Variants in FAM117B observed in about 807,000 individuals in gnomAD.
FAM117B encodes family with sequence similarity 117 member B, also known as protein FAM117B.
FAM117B carries 22 observed loss-of-function variants against 52.8 expected under a neutral mutation model. The ratio of observed to expected loss-of-function variants is 0.42; its 90% CI spans 0.30 to 0.59. The LOEUF is 0.59. Among genes scored for constraint, FAM117B ranks in the 20% least tolerant of loss-of-function variants. The pLI, the probability that FAM117B is intolerant of heterozygous loss-of-function variation, is 0.22. For missense variants in FAM117B, 678 were observed against 802.6 expected, an observed-to-expected ratio of 0.84 and a Z score of 1.88; for synonymous variants, 309 against 324.1, an observed-to-expected ratio of 0.95 and a Z score of 0.50.
chr2:202,696,988 G>C (rs1186044847), intron 2 of FAM117B, among the ~76,000 whole-genome samples: 3 of 152,148 alleles, frequency 2.0e-5, no homozygotes, highest in African/African-American at 7.2e-5. Context: ...AGAATCACTT[G>C]AACCTGGGAG....
At chr2:202,727,239 A>G (rs990277845) in intron 4 of FAM117B, among the ~76,000 whole-genome samples, 5 of 152,184 alleles carry the variant, frequency 3.3e-5, no homozygotes, top group East Asian at 1.9e-4. Context: ...GAGGGAAACT[A>G]GAAGACTTAG....
chr2:202,702,057 C>A (rs1690802590), intron 2 of FAM117B, among the ~76,000 whole-genome samples: 1 of 152,104 alleles, frequency 6.6e-6, no homozygotes, highest in Middle Eastern at 3.2e-3. Flanking sequence ...TGTGAAAGGA[C>A]CTGAGTCCGT....
intron 4 of FAM117B, among the ~76,000 whole-genome samples, chr2:202,731,492 G>A (rs183385085): frequency 3.3e-5 from 5 of 151,112 alleles, no homozygotes; most frequent in East Asian, 1.9e-4. Flanking sequence ...GTGCAGTGGC[G>A]CGACCTTGGA....
chr2:202,702,002 G>A (rs939795724), intron 2 of FAM117B, among the ~76,000 whole-genome samples: 2 of 152,176 alleles, frequency 1.3e-5, no homozygotes, highest in Non-Finnish European at 2.9e-5. Flanking sequence ...TGTACTATGG[G>A]CAATATGCTA....
At chr2:202,718,184 GT>G (rs1691087582) in intron 2 of FAM117B, among the ~76,000 whole-genome samples, 1 of 151,484 alleles carries the variant, frequency 6.6e-6, no homozygotes, top group Non-Finnish European at 1.5e-5. Flanking sequence ...CAGGGCAGTG[GT>G]TTCCCCTCTG....
At chr2:202,646,102 C>T (rs1190737478) in intron 1 of FAM117B, among the ~76,000 whole-genome samples, 1 of 151,590 alleles carries the variant, frequency 6.6e-6, no homozygotes, top group East Asian at 1.9e-4. Flanking sequence ...TCTTGGCTCA[C>T]TTCAGCCTTC....
intron 1 of FAM117B, among the ~76,000 whole-genome samples, chr2:202,688,502 A>G (rs1023016374): frequency 6.6e-6 from 1 of 152,146 alleles, no homozygotes; most frequent in African/African-American, 2.4e-5. Context: ...CATAAAAGAA[A>G]AGGAAACTAT....
intron 1 of FAM117B, among the ~76,000 whole-genome samples, chr2:202,644,488 G>T (rs1176419885): frequency 6.6e-6 from 1 of 152,056 alleles, no homozygotes; most frequent in African/African-American, 2.4e-5. Flanking sequence ...TTAGCTCATT[G>T]ATCTCTACAT....
At chr2:202,637,192 C>T (rs553511105) in intron 1 of FAM117B, among the ~76,000 whole-genome samples, 8 of 151,560 alleles carry the variant, frequency 5.3e-5, no homozygotes, top group East Asian at 2.0e-4. Flanking sequence ...CCACTGCGCC[C>T]GGCCCGAATA....
Position 202,766,099 on chromosome 2 carries a change from CACA to C in FAM117B, c.*336_*338del, listed in dbSNP as rs1691976039. On this transcript the variant is annotated 3_prime_UTR_variant, in exon 8 of 8. Transcript: ENST00000392238. ...ACACACACACACACACACACACACA[CACA>C]CACACCCCTGATCCTTGCCAACATG... 3.2e-4 allele frequency: 75 copies of C among 232,848 alleles called. No homozygotes were observed. The highest frequency in any genetic ancestry group is 4.1e-4 in the Non-Finnish European group (48 of 118,204). 14.4% of individuals were successfully genotyped at this position (232,848 alleles called of 1,614,324 possible).
intron 1 of FAM117B, among the ~76,000 whole-genome samples, chr2:202,640,932 G>A (rs892622059): frequency 2.6e-5 from 4 of 152,128 alleles, no homozygotes; most frequent in Non-Finnish European, 4.4e-5. Context: ...CTTTTGGTTT[G>A]TGATGTCTAT....
At chr2:202,684,437 T>C (rs13407832) in intron 1 of FAM117B, among the ~76,000 whole-genome samples, 13,691 of 152,234 alleles carry the variant, frequency 0.09, 2,074 homozygotes, top group African/African-American at 0.31. Flanking sequence ...AATTGTCCAA[T>C]ATATACATTC....
At chr2:202,694,391 A>G (rs1426813906) in intron 1 of FAM117B, among the ~76,000 whole-genome samples, 2 of 151,576 alleles carry the variant, frequency 1.3e-5, no homozygotes, top group African/African-American at 2.4e-5. Context: ...GGGTTTCGCC[A>G]TGTTGGCCAG....
chr2:202,757,192 G>A (rs763595930), intron 5 of FAM117B, 21 bp from the exon 6 acceptor site: 1 of 1,609,510 alleles, frequency 6.2e-7, no homozygotes, highest in South Asian at 1.1e-5. Context: ...ATATACCTAT[G>A]TTTTTACAAT....
At chr2:202,684,678 G>A (rs1048794428) in intron 1 of FAM117B, among the ~76,000 whole-genome samples, 8 of 148,382 alleles carry the variant, frequency 5.4e-5, no homozygotes, top group Non-Finnish European at 1.2e-4. Context: ...CTTCATTTAG[G>A]CATGAATTAT....
intron 2 of FAM117B, among the ~76,000 whole-genome samples, chr2:202,697,888 A>G (rs975722436): frequency 1.3e-5 from 2 of 151,076 alleles, no homozygotes; most frequent in East Asian, 2.0e-4. Flanking sequence ...ATTTTTTGAG[A>G]TAAGTTTCTC....
chr2:202,761,692 A>G (rs929291618), intron 7 of FAM117B, among the ~76,000 whole-genome samples: 8 of 151,896 alleles, frequency 5.3e-5, no homozygotes, highest in African/African-American at 1.9e-4. Context: ...ATGCCTGGCT[A>G]AGTTTTGTAT....
At chr2:202,718,753 G>A (rs1159058021) in intron 2 of FAM117B, among the ~76,000 whole-genome samples, 2 of 152,060 alleles carry the variant, frequency 1.3e-5, no homozygotes, top group Non-Finnish European at 2.9e-5. Flanking sequence ...GCTGCCCAGC[G>A]ATCTAGTTTG....
At chr2:202,644,831 G>T (rs1689835851) in intron 1 of FAM117B, among the ~76,000 whole-genome samples, 1 of 152,186 alleles carries the variant, frequency 6.6e-6, no homozygotes, top group Admixed American at 6.5e-5. Flanking sequence ...GTTGGTGATG[G>T]TGTCTGTCCT....
Sources: gnomAD v4.1 joint callset for allele counts (sites outside exome capture counted in the v4.1 genomes callset) on GRCh38, gnomAD v4.1.1 for gene constraint, MANE v1.5 for transcripts, NCBI Gene and HGNC (gene_info 2026-07-23, HGNC 2026-07-21) for gene names.